The following PPP1R12B variants were observed in gnomAD, a reference collection of about 807,000 sequenced individuals.
PPP1R12B encodes myosin phosphatase target subunit 2.
PPP1R12B carries 76 observed loss-of-function variants against 126.1 expected under a neutral mutation model. That is an observed-to-expected ratio of 0.60 (90% CI 0.50 to 0.73). The LOEUF (loss-of-function observed/expected upper bound fraction) is 0.73. Ranked by LOEUF, PPP1R12B falls within the 30% of genes least tolerant of loss-of-function variation. The pLI is 0.00. For synonymous variants in PPP1R12B, 356 were observed against 434.7 expected (o/e 0.82, Z 2.25); for missense variants, 1,052 against 1,205.1 (o/e 0.87, Z 1.88).
At chr1:202,509,716 A>G (rs1238808059) in intron 18 of PPP1R12B, among the ~76,000 whole-genome samples, 1 of 152,182 alleles carries the variant, frequency 6.6e-6, no homozygotes, top group Non-Finnish European at 1.5e-5. Flanking sequence ...GGAATTTACT[A>G]GTCTTTTTGC....
At chr1:202,563,036 T>G in intron 20 of PPP1R12B, 114 bp downstream of exon 20, 1 of 1,183,910 alleles carries the variant, frequency 8.4e-7, no homozygotes, top group Non-Finnish European at 1.1e-6. Flanking sequence ...AAAAGGCACT[T>G]AAGTAATAAT....
At chr1:202,393,777 A>G (rs754638770) in intron 1 of PPP1R12B, among the ~76,000 whole-genome samples, 29 of 152,212 alleles carry the variant, frequency 1.9e-4, no homozygotes, top group Non-Finnish European at 3.4e-4. Context: ...AAGTAGACCC[A>G]GGTCTGGGCA....
intron 18 of PPP1R12B, chr1:202,502,523 A>G: frequency 1.1e-6 from 1 of 922,750 alleles, no homozygotes; most frequent in Non-Finnish European, 1.3e-6. Flanking sequence ...TTAAGCGCCG[A>G]TTATGATCAA....
At chr1:202,353,586 T>TTA in intron 1 of PPP1R12B, among the ~76,000 whole-genome samples, 1 of 120,814 alleles carries the variant, frequency 8.3e-6, no homozygotes, top group South Asian at 2.8e-4. Context: ...TTCTTCTTCT[T>TTA]TGTGTGTGTG....
rs1323242969 is a variant in PPP1R12B at position 202,586,173 on chromosome 1, C to T, written c.*5613C>T. ...AGGTCTGAAGAGGAGACTACCAAAG[C>T]AGTGTTTACAAACCCAGAGTCCACA... On this transcript the variant is annotated 3_prime_UTR_variant, in exon 24 of 24. Transcript: ENST00000608999. 1 of 152,286 alleles carries T rather than the reference C, an allele frequency of 6.6e-6. No individual in the cohort carries two copies. 9.4% of individuals were successfully genotyped at this position (152,286 alleles called of 1,614,324 possible).
chr1:202,392,932 A>G (rs964999228), intron 1 of PPP1R12B, among the ~76,000 whole-genome samples: 1 of 152,086 alleles, frequency 6.6e-6, no homozygotes, highest in Non-Finnish European at 1.5e-5. Flanking sequence ...TTGAAATTAT[A>G]TACTTTTAAA....
chr1:202,404,005 T>A (rs1229740717), intron 1 of PPP1R12B, among the ~76,000 whole-genome samples: 1 of 152,232 alleles, frequency 6.6e-6, no homozygotes, highest in Non-Finnish European at 1.5e-5. Flanking sequence ...TTGCCTAGAT[T>A]ACAATTTCCT....
intron 18 of PPP1R12B, among the ~76,000 whole-genome samples, chr1:202,525,140 A>G (rs1396920479): frequency 6.6e-6 from 1 of 152,164 alleles, no homozygotes; most frequent in Non-Finnish European, 1.5e-5. Context: ...TGGCTTCCCA[A>G]AGTGCTGGGA....
chr1:202,377,886 C>A (rs1661505500), intron 1 of PPP1R12B, among the ~76,000 whole-genome samples: 1 of 124,324 alleles, frequency 8.0e-6, no homozygotes, highest in Non-Finnish European at 1.6e-5. Context: ...GTTGCCCAGG[C>A]TGGAGTGCAG....
At chr1:202,495,191 A>T in intron 15 of PPP1R12B, 102 bp from the exon 16 acceptor site, 1 of 991,948 alleles carries the variant, frequency 1.0e-6, no homozygotes, top group Admixed American at 3.1e-5. Flanking sequence ...TCATCTACTC[A>T]TAAGCCCCTT....
chr1:202,458,718 AAG>A (rs1673946291), intron 13 of PPP1R12B, among the ~76,000 whole-genome samples: 1 of 152,246 alleles, frequency 6.6e-6, no homozygotes, highest in South Asian at 2.1e-4. Context: ...TTCCTTCTGA[AAG>A]AGCATGCTGG....
chr1:202,470,179 A>G (rs1032409169), intron 13 of PPP1R12B, among the ~76,000 whole-genome samples: 5 of 152,208 alleles, frequency 3.3e-5, no homozygotes, highest in South Asian at 2.1e-4. Flanking sequence ...CTGATTGCCT[A>G]CTTACGCAAG....
chr1:202,492,992 A>G (rs1679088352), intron 14 of PPP1R12B, 122 bp from the exon 15 acceptor site: 1 of 1,053,762 alleles, frequency 9.5e-7, no homozygotes, highest in African/African-American at 1.6e-5. Flanking sequence ...CTCATTATGC[A>G]TTTTGAGGGG....
At chr1:202,398,178 G>A (rs113925804) in intron 1 of PPP1R12B, among the ~76,000 whole-genome samples, 1 of 152,192 alleles carries the variant, frequency 6.6e-6, no homozygotes, top group African/African-American at 2.4e-5. Context: ...CTGAAAGAGG[G>A]AAATAGACCA....
chr1:202,504,717 T>C (rs1295864269), intron 18 of PPP1R12B, among the ~76,000 whole-genome samples: 3 of 152,188 alleles, frequency 2.0e-5, no homozygotes, highest in African/African-American at 4.8e-5. Flanking sequence ...ACAAATAATA[T>C]AGCATAATAG....
intron 3 of PPP1R12B, among the ~76,000 whole-genome samples, chr1:202,424,584 A>G (rs1669257262): frequency 6.6e-6 from 1 of 152,126 alleles, no homozygotes; most frequent in Non-Finnish European, 1.5e-5. Context: ...AGGCTTTCCA[A>G]AGTGCTGGGA....
chr1:202,449,307 ACT>A (rs1672642761), intron 13 of PPP1R12B, 136 bp downstream of exon 13: 1 of 1,358,676 alleles, frequency 7.4e-7, no homozygotes, highest in Admixed American at 2.9e-5. Context: ...ACAGAGCCTC[ACT>A]CTGTCGCCCA....
chr1:202,369,360 T>A (rs1330030360), intron 1 of PPP1R12B, among the ~76,000 whole-genome samples: 2 of 152,202 alleles, frequency 1.3e-5, no homozygotes, highest in African/African-American at 4.8e-5. Context: ...AGAATTACTG[T>A]TAAAATTTTA....
chr1:202,376,693 AGTT>A (rs1161497144), intron 1 of PPP1R12B, among the ~76,000 whole-genome samples: 1 of 152,186 alleles, frequency 6.6e-6, no homozygotes, highest in South Asian at 2.1e-4. Flanking sequence ...TTACCCTGGA[AGTT>A]GTTATTTGTA....
Sources: gnomAD v4.1 joint callset for allele counts (sites outside exome capture counted in the v4.1 genomes callset) on GRCh38, gnomAD v4.1.1 for gene constraint, MANE v1.5 for transcripts, NCBI Gene and HGNC (gene_info 2026-07-23, HGNC 2026-07-21) for gene names.